VDR: variants seen among roughly 807,000 people sequenced by gnomAD.
The protein encoded by VDR is vitamin D receptor.
In VDR, 19 loss-of-function variants were observed where a neutral mutation model predicts 39.7. That is an observed-to-expected ratio of 0.48 (90% confidence interval 0.33 to 0.70). VDR has a LOEUF of 0.70. Among genes scored for constraint, VDR ranks in the 30% least tolerant of loss-of-function variants. The pLI is 0.02. For synonymous variants in VDR, 242 were observed against 215.8 expected (o/e 1.12, Z -1.07); for missense variants, 442 against 570.5 (o/e 0.77, Z 2.29).
At chr12:47,850,888 G>A (rs1326742752) in intron 7 of VDR, among the ~76,000 whole-genome samples, 3 of 133,974 alleles carry the variant, frequency 2.2e-5, no homozygotes, top group East Asian at 2.6e-4. Flanking sequence ...GCATTCCCAC[G>A]GTACCTCCAG....
chr12:47,895,900 A>G (rs1235515338), intron 1 of VDR, among the ~76,000 whole-genome samples: 1 of 152,190 alleles, frequency 6.6e-6, no homozygotes, highest in Non-Finnish European at 1.5e-5. Flanking sequence ...TCTCCAGTCC[A>G]TCTCACCGGG....
At position 47,864,968 on chromosome 12, in the gene VDR, C is replaced by A. The variant is rs566983760; in HGVS notation, c.277+79G>T. On this transcript the variant is annotated intron_variant, in intron 4 of 9. Coordinates refer to ENST00000549336, the MANE Select transcript of VDR (RefSeq NM_000376.3). Reference sequence around the variant, plus strand: ...AGGAAGGGCAGGCAGACCCTCTGCCCAAACTTGCAGGAGAGTGGCCAAGGC... The same window carrying A: ...AGGAAGGGCAGGCAGACCCTCTGCCAAAACTTGCAGGAGAGTGGCCAAGGC... 26 of 1,598,798 alleles carry A rather than the reference C, an allele frequency of 1.6e-5. No homozygotes were observed. In the South Asian group the frequency reaches 2.5e-4, roughly 16 times the overall value.
chr12:47,865,298 C>T, intron 3 of VDR, 121 bp from the exon 4 acceptor site: 1 of 1,472,014 alleles, frequency 6.8e-7, no homozygotes, highest in Non-Finnish European at 9.3e-7. Flanking sequence ...GACATGAGGC[C>T]CACCCCAGCT....
chr12:47,890,891 A>G (rs1483639180), intron 1 of VDR, among the ~76,000 whole-genome samples: 1 of 152,020 alleles, frequency 6.6e-6, no homozygotes, highest in Non-Finnish European at 1.5e-5. Flanking sequence ...GGAGGGGCAG[A>G]GGGACGCGAT....
intron 4 of VDR, among the ~76,000 whole-genome samples, chr12:47,862,089 G>C (rs997467440): frequency 6.6e-6 from 1 of 152,226 alleles, no homozygotes; most frequent in Non-Finnish European, 1.5e-5. Flanking sequence ...AGGGAGAAAA[G>C]ACATACATCT....
At chr12:47,852,578 T>C (rs1945408238) in intron 7 of VDR, among the ~76,000 whole-genome samples, 1 of 152,166 alleles carries the variant, frequency 6.6e-6, no homozygotes, top group African/African-American at 2.4e-5. Context: ...TGCAATGCAG[T>C]AGGAGTGTCT....
At chr12:47,867,410 TGTGTG>T (rs1945760032) in intron 3 of VDR, among the ~76,000 whole-genome samples, 1 of 7,878 alleles carries the variant, frequency 1.3e-4, no homozygotes, top group South Asian at 5.8e-3. Flanking sequence ...CTATGTAAGT[TGTGTG>T]TGTGTGTGTG....
chr12:47,900,252 C>A (rs1248875812), intron 1 of VDR, among the ~76,000 whole-genome samples: 3 of 152,108 alleles, frequency 2.0e-5, no homozygotes, highest in Non-Finnish European at 4.4e-5. Flanking sequence ...GGCCACTGTC[C>A]CCAGAGTAAC....
At chr12:47,854,123 T>A (rs1945438602) in intron 7 of VDR, among the ~76,000 whole-genome samples, 1 of 152,122 alleles carries the variant, frequency 6.6e-6, no homozygotes, top group African/African-American at 2.4e-5. Flanking sequence ...GAAATGGTCT[T>A]TATTTTTTTC....
In VDR at chr12:47,898,046, C is replaced by T. The variant is rs1451516671; in HGVS notation, c.-84+6909G>A. 8.5e-5 allele frequency among the ~76,000 whole-genome samples: 13 copies of T among 152,304 alleles called. No homozygotes were observed. In the East Asian group the frequency reaches 1.9e-3, roughly 23 times the overall value. On this transcript the variant is annotated intron_variant, in intron 1 of 9. Transcript: ENST00000549336. ...GTATGGGCTCACTGCTGACACCAGGCTCTTGGTTGAACTGAGGAGACCACC... is the reference window on the plus strand; with the variant it reads ...GTATGGGCTCACTGCTGACACCAGGTTCTTGGTTGAACTGAGGAGACCACC...
chr12:47,847,110 G>A (rs781445734), intron 7 of VDR, among the ~76,000 whole-genome samples: 4 of 152,146 alleles, frequency 2.6e-5, no homozygotes, highest in Non-Finnish European at 5.9e-5. Flanking sequence ...GAAGTTCCCA[G>A]CATTGAGGCA....
chr12:47,888,430 T>C (rs1946302253), intron 1 of VDR, among the ~76,000 whole-genome samples: 1 of 152,148 alleles, frequency 6.6e-6, no homozygotes, highest in African/African-American at 2.4e-5. Context: ...GTGGCAGGAC[T>C]CAGAGTGGGG....
intron 6 of VDR, 42 bp from the exon 7 acceptor site, chr12:47,855,843 T>C (rs1252197882): frequency 1.2e-6 from 2 of 1,611,056 alleles, no homozygotes; most frequent in Non-Finnish European, 1.7e-6. Flanking sequence ...TTAAGGATAC[T>C]TGGACCAGGC....
chr12:47,880,204 A>C (rs146413889), intron 2 of VDR, among the ~76,000 whole-genome samples: 1 of 152,226 alleles, frequency 6.6e-6, no homozygotes, highest in East Asian at 1.9e-4. Context: ...CAGAAGAAAA[A>C]TAAGAGAGAA....
chr12:47,857,029 G>C, intron 6 of VDR, 100 bp downstream of exon 6: 1 of 1,569,964 alleles, frequency 6.4e-7, no homozygotes, highest in Non-Finnish European at 8.7e-7. Flanking sequence ...GTTTCCATTA[G>C]GGAGCCTTCC....
At chr12:47,899,089 T>C (rs988141389) in intron 1 of VDR, among the ~76,000 whole-genome samples, 3 of 152,202 alleles carry the variant, frequency 2.0e-5, no homozygotes, top group Admixed American at 6.5e-5. Flanking sequence ...AGAACCCAAG[T>C]TGCAGAGAAG....
chr12:47,886,525 G>C (rs1329706827), intron 1 of VDR, among the ~76,000 whole-genome samples: 2 of 152,206 alleles, frequency 1.3e-5, no homozygotes, highest in African/African-American at 4.8e-5. Context: ...GGGGAGTGGA[G>C]AGGGTTTACT....
rs182708492 is a variant in VDR at position 47,890,632 on chromosome 12, A to T, written c.-83-7858T>A. On this transcript the variant is annotated intron_variant, in intron 1 of 9. Coordinates refer to ENST00000549336, the MANE Select transcript of VDR (RefSeq NM_000376.3). ...TTATGGCTTAGCACGGTTCCTCCCCACAAGTCCTTACTAAACAAAACACTC... is the reference window on the plus strand; with the variant it reads ...TTATGGCTTAGCACGGTTCCTCCCCTCAAGTCCTTACTAAACAAAACACTC... 3.6e-3 allele frequency among the ~76,000 whole-genome samples: 544 copies of T among 152,166 alleles called. 6 individuals are homozygous for T. Among genetic ancestry groups the T allele is most frequent in the African/African-American group, 0.012 (518 of 41,518 alleles).
At chr12:47,868,397 C>T (rs930665613) in intron 3 of VDR, among the ~76,000 whole-genome samples, 2 of 152,242 alleles carry the variant, frequency 1.3e-5, no homozygotes, top group African/African-American at 2.4e-5. Flanking sequence ...AAGTCTAGCC[C>T]GCCTCAGGCC....
Sources: gnomAD v4.1 joint callset for allele counts (sites outside exome capture counted in the v4.1 genomes callset) on GRCh38, gnomAD v4.1.1 for gene constraint, MANE v1.5 for transcripts, NCBI Gene and HGNC (gene_info 2026-07-23, HGNC 2026-07-21) for gene names.